The following MYO3B variants were observed in gnomAD, a reference collection of about 807,000 sequenced individuals.
MYO3B encodes myosin-IIIb.
A neutral mutation model predicts 174.6 loss-of-function variants in MYO3B; 156 were observed. That is an observed-to-expected ratio of 0.89 (90% CI 0.78 to 1.02). The LOEUF (loss-of-function observed/expected upper bound fraction) is 1.02, where lower values mean the gene tolerates loss of function less well. Among genes scored for constraint, MYO3B ranks in the 50% least tolerant of loss-of-function variants. The pLI is 0.00. For synonymous variants in MYO3B, 563 were observed against 569.1 expected, an observed-to-expected ratio of 0.99 and a Z score of 0.15; for missense variants, 1,632 against 1,639.4, an observed-to-expected ratio of 1.00 and a Z score of 0.08.
chr2:170,557,591 C>A (rs1011372618), intron 32 of MYO3B, among the ~76,000 whole-genome samples: 1 of 152,140 alleles, frequency 6.6e-6, no homozygotes, highest in East Asian at 1.9e-4. Context: ...ACTTGAGCAC[C>A]CACTAAATGG....
intron 7 of MYO3B, among the ~76,000 whole-genome samples, chr2:170,247,456 G>C (rs902367963): frequency 1.3e-5 from 2 of 152,178 alleles, no homozygotes; most frequent in Non-Finnish European, 2.9e-5. Flanking sequence ...CCTGGTCATG[G>C]GGAATGGGCA....
chr2:170,496,987 G>A (rs1686890987), intron 25 of MYO3B, among the ~76,000 whole-genome samples: 1 of 151,804 alleles, frequency 6.6e-6, no homozygotes, highest in South Asian at 2.1e-4. Flanking sequence ...GAAAGGGGAG[G>A]AAAAAACCCT....
At chr2:170,499,953 T>TCCCCCCTCCCTCCCTC in intron 27 of MYO3B, 145 bp downstream of exon 27, 1 of 606,610 alleles carries the variant, frequency 1.6e-6, no homozygotes, top group Non-Finnish European at 2.7e-6. Context: ...CTTCCTTCTT[T>TCCCCCCTCCCTCCCTC]CCTTCCTTCC....
chr2:170,266,506 C>T (rs550781033), intron 7 of MYO3B, among the ~76,000 whole-genome samples: 1 of 152,196 alleles, frequency 6.6e-6, no homozygotes, highest in East Asian at 1.9e-4. Context: ...AATGGCTGAT[C>T]TATTTCTTAA....
rs61185936 is a variant in MYO3B at position 170,485,420 on chromosome 2, CAG to C, written c.3015-13149_3015-13148del. Among the ~76,000 whole-genome samples, 989 of 127,864 alleles carry C rather than the reference CAG, an allele frequency of 7.7e-3. 16 individuals carry two copies. Among genetic ancestry groups the C allele is most frequent in the African/African-American group, 0.027 (905 of 33,676 alleles). 83.9% of individuals were successfully genotyped at this position (127,864 alleles called of 152,430 possible). On this transcript the variant is annotated intron_variant, in intron 25 of 34. Transcript: ENST00000408978. ...ACACACACACACACACACACACACA[CAG>C]AGAGAGAGAGAGAGAGAGAGAGCGA... is the stretch of plus-strand genomic sequence containing the variant.
intron 25 of MYO3B, among the ~76,000 whole-genome samples, chr2:170,489,484 C>G (rs1412234182): frequency 6.6e-6 from 1 of 152,196 alleles, no homozygotes; most frequent in Non-Finnish European, 1.5e-5. Context: ...AAGGAAGTCA[C>G]TAAAAACAAC....
chr2:170,416,155 G>T (rs773701290), intron 22 of MYO3B, among the ~76,000 whole-genome samples: 6 of 151,974 alleles, frequency 3.9e-5, no homozygotes, highest in Non-Finnish European at 8.8e-5. Flanking sequence ...TGCATCTGCA[G>T]CATCGCTCAC....
intron 27 of MYO3B, among the ~76,000 whole-genome samples, chr2:170,500,769 G>C (rs1173868179): frequency 6.6e-6 from 1 of 152,172 alleles, no homozygotes; most frequent in Non-Finnish European, 1.5e-5. Flanking sequence ...CAGGTGTTCA[G>C]TACCAGAGTT....
chr2:170,636,962 G>GTA (rs971568354), intron 32 of MYO3B, among the ~76,000 whole-genome samples: 2 of 148,062 alleles, frequency 1.4e-5, no homozygotes, highest in African/African-American at 5.1e-5. Context: ...TTGTGCGTGT[G>GTA]TGTGTGTGTG....
intron 25 of MYO3B, among the ~76,000 whole-genome samples, chr2:170,476,316 TA>T (rs34107788): frequency 0.63 from 96,373 of 152,092 alleles, 30,645 homozygotes; most frequent in Middle Eastern, 0.65. Flanking sequence ...GCTTAAGTGT[TA>T]AACCAGCTCA....
chr2:170,430,237 A>G (rs1157391901), intron 22 of MYO3B, among the ~76,000 whole-genome samples: 3 of 152,102 alleles, frequency 2.0e-5, no homozygotes, highest in East Asian at 3.8e-4. Context: ...ATTTCAAAGT[A>G]TGAATAACAT....
At chr2:170,298,091 G>C (rs1404924915) in intron 7 of MYO3B, among the ~76,000 whole-genome samples, 1 of 151,772 alleles carries the variant, frequency 6.6e-6, no homozygotes, top group African/African-American at 2.4e-5. Flanking sequence ...AATATTCCAG[G>C]GCCTGTTCTC....
At chr2:170,198,816 T>G (rs147585310) in intron 1 of MYO3B, among the ~76,000 whole-genome samples, 3 of 149,270 alleles carry the variant, frequency 2.0e-5, no homozygotes, top group African/African-American at 7.5e-5. Flanking sequence ...AAGGTTACCA[T>G]AACCTAGGGA....
At chr2:170,495,736 T>C (rs894021763) in intron 25 of MYO3B, among the ~76,000 whole-genome samples, 1 of 152,236 alleles carries the variant, frequency 6.6e-6, no homozygotes, top group Admixed American at 6.5e-5. Context: ...GCATTCACCA[T>C]AAGCAAGCCT....
chr2:170,555,933 T>C (rs7585424), intron 32 of MYO3B, among the ~76,000 whole-genome samples: 120,499 of 151,758 alleles, frequency 0.79, 48,392 homozygotes, highest in African/African-American at 0.87. Context: ...TGGTGGCTCA[T>C]GCTTGTAATC....
intron 25 of MYO3B, among the ~76,000 whole-genome samples, chr2:170,481,865 T>A (rs575638923): frequency 6.6e-6 from 1 of 152,156 alleles, no homozygotes; most frequent in Non-Finnish European, 1.5e-5. Context: ...CCCAACTGTG[T>A]GTGTTGGTGC....
At chr2:170,378,230 T>G (rs913667922) in intron 9 of MYO3B, among the ~76,000 whole-genome samples, 1 of 152,170 alleles carries the variant, frequency 6.6e-6, no homozygotes, top group African/African-American at 2.4e-5. Flanking sequence ...TTCTCTACGA[T>G]AGACCCTCCA....
intron 32 of MYO3B, among the ~76,000 whole-genome samples, chr2:170,606,206 G>C (rs1196662181): frequency 1.3e-5 from 2 of 150,106 alleles, no homozygotes. Flanking sequence ...GCTTCCCATT[G>C]ACTTAAAAAA....
chr2:170,544,938 A>G (rs1391395916), intron 32 of MYO3B, among the ~76,000 whole-genome samples: 1 of 152,212 alleles, frequency 6.6e-6, no homozygotes, highest in East Asian at 1.9e-4. Flanking sequence ...GAGAGAATTT[A>G]GGGGAAAAAC....
Sources: gnomAD v4.1 joint callset for allele counts (sites outside exome capture counted in the v4.1 genomes callset) on GRCh38, gnomAD v4.1.1 for gene constraint, MANE v1.5 for transcripts, NCBI Gene and HGNC (gene_info 2026-07-23, HGNC 2026-07-21) for gene names.